The following PCDHA3 variants were observed in gnomAD, a reference collection of about 807,000 sequenced individuals.
PCDHA3 encodes the protein protocadherin alpha 3.
A neutral mutation model predicts 62.2 loss-of-function variants in PCDHA3; 41 were observed. The observed-to-expected ratio is 0.66, with a 90% CI of 0.51 to 0.86. The LOEUF is 0.86. PCDHA3 is among the 40% of genes least tolerant of loss of function. The pLI is 0.00. For synonymous variants in PCDHA3, 640 were observed against 555.4 expected (o/e 1.15, Z -2.14); for missense variants, 1,304 against 1,241.2 (o/e 1.05, Z -0.76).
Position 140,877,583 on chromosome 5 carries a change from T to C in PCDHA3, c.2394+73992T>C. On this transcript the variant is annotated intron_variant, in intron 1 of 3. Transcript: ENST00000522353. ...ATTAACGTGTACCTCATCATCGCCA[T>C]CTGTGCGGTGTCCAGCCTGCTGGTG... 6.2e-7 allele frequency: 1 copy of C among 1,613,816 alleles called. No homozygotes were observed. Among genetic ancestry groups the C allele is most frequent in the Admixed American group, 1.7e-5 (1 of 60,032 alleles).
chr5:140,902,666 C>A (rs1554190555), intron 1 of PCDHA3, among the ~76,000 whole-genome samples: 1 of 152,122 alleles, frequency 6.6e-6, no homozygotes, highest in Non-Finnish European at 1.5e-5. Context: ...GTCACCCAAG[C>A]AGTGTACACC....
At chr5:140,916,606 C>A (rs561641984) in intron 1 of PCDHA3, among the ~76,000 whole-genome samples, 1 of 152,168 alleles carries the variant, frequency 6.6e-6, no homozygotes, top group African/African-American at 2.4e-5. Context: ...GGAATGCGGG[C>A]CTCATGACTC....
chr5:140,861,736 A>G (rs1380894393), intron 1 of PCDHA3: 2 of 188,606 alleles, frequency 1.1e-5, no homozygotes, highest in Non-Finnish European at 1.1e-5. Context: ...TGACTTACAT[A>G]CTGTGCCGCA....
chr5:140,813,106 A>T (rs1554126121), intron 1 of PCDHA3: 1 of 152,152 alleles, frequency 6.6e-6, no homozygotes, highest in Admixed American at 6.5e-5. Flanking sequence ...AGAAGACTGT[A>T]TATTTGCTGC....
At position 141,010,234 on chromosome 5, in the gene PCDHA3, T is replaced by C. The variant is rs1455330920; in HGVS notation, c.*297T>C. 1 of 1,551,824 alleles carries C rather than the reference T, an allele frequency of 6.4e-7. No individual in the cohort carries two copies. Among genetic ancestry groups the C allele is most frequent in the Non-Finnish European group, 8.7e-7 (1 of 1,147,042 alleles). On this transcript the variant is annotated 3_prime_UTR_variant, in exon 4 of 4. Transcript: ENST00000522353. ...AGGAGAGGCTTCCCAGCCCCGCCAG[T>C]GAGAGGTTGGACTCTCTGCCCTGTG...
rs782769711 is a variant in PCDHA3 at position 140,857,323 on chromosome 5, C to G, written c.2394+53732C>G. 1.0e-5 allele frequency: 16 copies of G among 1,598,498 alleles called. 1 individual carries two copies. Among genetic ancestry groups the G allele is most frequent in the Admixed American group, 1.7e-5 (1 of 59,312 alleles). ...TGTCGGCCTATGAGCTGGTGGTGAC[C>G]GCGCGGGACGGGGGCTCGCCTCCGC... On this transcript the variant is annotated intron_variant, in intron 1 of 3. Coordinates refer to ENST00000522353, the MANE Select transcript of PCDHA3 (RefSeq NM_018906.3).
At chr5:140,823,398 G>A in intron 1 of PCDHA3, 1 of 1,612,976 alleles carries the variant, frequency 6.2e-7, no homozygotes, top group East Asian at 2.2e-5. Context: ...ACGCGGGCGT[G>A]CCGCCTCTGG....
In PCDHA3 at chr5:140,852,553, G is replaced by A. The variant is rs1414701990; in HGVS notation, c.2394+48962G>A. On this transcript the variant is annotated intron_variant, in intron 1 of 3. Coordinates refer to ENST00000522353, the MANE Select transcript of PCDHA3 (RefSeq NM_018906.3). ...GGCCTCCCAAAGTGCTGGGATTAAA[G>A]CTGTGAGCCACTGTGCCAAGGCTTT... is the stretch of plus-strand genomic sequence containing the variant. 2.0e-5 allele frequency: 13 copies of A among 647,952 alleles called. 1 individual carries two copies. The highest frequency in any genetic ancestry group is 2.2e-5 in the Non-Finnish European group (11 of 508,652). The allele number at this position is 647,952 out of a possible 1,614,324, so 40.1% of individuals were successfully genotyped here.
chr5:140,849,079 T>C (rs1554142746), intron 1 of PCDHA3: 1 of 1,521,712 alleles, frequency 6.6e-7, no homozygotes, highest in African/African-American at 1.5e-5. Flanking sequence ...CTTGGACTTG[T>C]ATTACGGAAA....
chr5:140,865,866 C>G (rs1004604196), intron 1 of PCDHA3: 1 of 152,128 alleles, frequency 6.6e-6, no homozygotes, highest in Non-Finnish European at 1.5e-5. Context: ...AACATGGTCT[C>G]GGCTAGGAAA....
chr5:140,802,443 G>C lies in PCDHA3; in HGVS notation c.1246G>C (p.Glu416Gln). Residue 416 changes from glutamate (E) to glutamine (Q), a missense_variant, in exon 1 of 4, where the codon GAG becomes CAG. Glu to Gln is a conservative substitution (Grantham distance 29). Coordinates refer to ENST00000522353, the MANE Select transcript of PCDHA3 (RefSeq NM_018906.3). ...GGTGCTGGACAGCCCTCTGGACCGC[G>C]AGAGCGTGTCGGCCTATGAGCTGGT... ...SLVLDSPLDR[E>Q]SVSAYELVVT... 6.2e-7 allele frequency: 1 copy of C among 1,614,224 alleles called. No homozygotes were observed. The highest frequency in any genetic ancestry group is 8.5e-7 in the Non-Finnish European group (1 of 1,180,046).
chr5:140,926,799 T>A, intron 1 of PCDHA3: 2 of 1,456,322 alleles, frequency 1.4e-6, no homozygotes, highest in Non-Finnish European at 1.8e-6. Flanking sequence ...GAGCGTGCTC[T>A]TCCCCGCGGC....
intron 1 of PCDHA3, chr5:140,841,538 G>C (rs1488596274): frequency 9.3e-6 from 15 of 1,613,608 alleles, no homozygotes; most frequent in Admixed American, 1.7e-5. Context: ...AAGACACCGG[G>C]ACCTTCTGGA....
At chr5:140,870,914 C>A (rs369740429) in intron 1 of PCDHA3, 10 of 1,613,828 alleles carry the variant, frequency 6.2e-6, no homozygotes, top group African/African-American at 1.3e-5. Context: ...GGCTACAACG[C>A]GTGGCTTTCA....
intron 1 of PCDHA3, among the ~76,000 whole-genome samples, chr5:140,942,058 C>T (rs2093224752): frequency 6.6e-6 from 1 of 152,040 alleles, no homozygotes; most frequent in Non-Finnish European, 1.5e-5. Flanking sequence ...GAAATGTTTG[C>T]TAATTGAGCC....
intron 1 of PCDHA3, chr5:140,969,328 T>C (rs2096319778): frequency 1.2e-6 from 2 of 1,614,124 alleles, no homozygotes; most frequent in Admixed American, 1.7e-5. Flanking sequence ...TTTCTCAAAA[T>C]GAGGTGAGAC....
chr5:140,866,796 G>T (rs1360079320), intron 1 of PCDHA3: 1 of 152,128 alleles, frequency 6.6e-6, no homozygotes, highest in African/African-American at 2.4e-5. Flanking sequence ...TATAGTAAAA[G>T]TCAGGCACAA....
chr5:140,858,218 G>A, intron 1 of PCDHA3: 1 of 1,596,494 alleles, frequency 6.3e-7, no homozygotes. Context: ...GTGCTCGGCG[G>A]CGCCCACCGA....
chr5:140,819,423 C>T (rs1376171246), intron 1 of PCDHA3, among the ~76,000 whole-genome samples: 2 of 152,120 alleles, frequency 1.3e-5, no homozygotes, highest in Non-Finnish European at 2.9e-5. Context: ...TAATATACTA[C>T]ACAGTTTTAA....
Sources: allele counts gnomAD v4.1 joint callset (sites outside exome capture counted in the v4.1 genomes callset), GRCh38; gene constraint gnomAD v4.1.1; transcripts MANE v1.5; gene names NCBI Gene and HGNC (gene_info 2026-07-23, HGNC 2026-07-21).